ALS2: variants seen among roughly 807,000 people sequenced by gnomAD.
ALS2 encodes alsin Rho guanine nucleotide exchange factor ALS2.
A neutral mutation model predicts 203.4 loss-of-function variants in ALS2; 117 were observed. That is an observed-to-expected ratio of 0.58 (90% CI 0.50 to 0.67). The LOEUF is 0.67. Ranked by LOEUF, ALS2 falls within the 30% of genes least tolerant of loss-of-function variation. ALS2 has a pLI of 0.00. For synonymous variants in ALS2, 718 were observed against 725.9 expected (o/e 0.99, Z 0.17); for missense variants, 1,715 against 1,989.4 (o/e 0.86, Z 2.62).
chr2:201,726,411 T>G (rs1398897626), intron 19 of ALS2, 73 bp downstream of exon 19: 22 of 1,300,836 alleles, frequency 1.7e-5, no homozygotes, highest in Non-Finnish European at 2.5e-5. Context: ...AAAGCAGCTC[T>G]GCATACAAAA....
chr2:201,747,520 G>A (rs1314576804), intron 8 of ALS2, among the ~76,000 whole-genome samples: 1 of 149,138 alleles, frequency 6.7e-6, no homozygotes, highest in Non-Finnish European at 1.5e-5. Context: ...GCGCAATCTC[G>A]GCTCACTGCA....
chr2:201,775,844 T>C (rs186521729), intron 1 of ALS2, among the ~76,000 whole-genome samples: 48 of 152,362 alleles, frequency 3.2e-4, no homozygotes, highest in Admixed American at 1.8e-3. Flanking sequence ...AGTTATAATG[T>C]TGTTACTAAT....
intron 25 of ALS2, among the ~76,000 whole-genome samples, chr2:201,712,082 G>GA (rs35177036): frequency 2.0e-5 from 3 of 150,836 alleles, no homozygotes; most frequent in South Asian, 2.1e-4. Context: ...CCCAAATATA[G>GA]AAAAAAAAAT....
chr2:201,750,636 G>A (rs1670510286), intron 7 of ALS2, among the ~76,000 whole-genome samples: 1 of 152,166 alleles, frequency 6.6e-6, no homozygotes, highest in South Asian at 2.1e-4. Flanking sequence ...TGTTTATTCT[G>A]ATTATGAAAG....
intron 31 of ALS2, 49 bp downstream of exon 31, chr2:201,705,090 A>G: frequency 6.5e-7 from 1 of 1,539,846 alleles, no homozygotes; most frequent in East Asian, 2.3e-5. Context: ...ATCTTAATAG[A>G]CCAAGCACTA....
At chr2:201,779,271 A>G (rs1301037134) in intron 1 of ALS2, among the ~76,000 whole-genome samples, 6 of 152,306 alleles carry the variant, frequency 3.9e-5, no homozygotes, top group African/African-American at 9.6e-5. Flanking sequence ...TTTTCCCAAA[A>G]TTATCGGTTT....
Position 201,763,303 on chromosome 2 carries a change from C to A in ALS2, c.176-1485G>T, listed in dbSNP as rs375268846. On this transcript the variant is annotated intron_variant, in intron 3 of 33. Coordinates refer to ENST00000264276, the MANE Select transcript of ALS2 (RefSeq NM_020919.4). ...TCATCCCTGCACCCAGAGGCACTGG[C>A]ATTCTCTTAGCCCTAGTGCCCAAGA... 148 of 182,814 alleles carry A rather than the reference C, an allele frequency of 8.1e-4. 1 individual carries two copies. The highest frequency in any genetic ancestry group is 3.4e-3 in the African/African-American group (144 of 42,140). 11.3% of individuals were successfully genotyped at this position (182,814 alleles called of 1,614,324 possible). A position where few individuals can be genotyped will look rare whatever the true frequency, so the allele number is the denominator to read the frequency against.
intron 1 of ALS2, among the ~76,000 whole-genome samples, chr2:201,770,298 C>T (rs904361660): frequency 6.6e-5 from 10 of 152,002 alleles, no homozygotes; most frequent in Admixed American, 2.6e-4. Context: ...TATATGTAAA[C>T]GGAATTTTGT....
chr2:201,720,074 G>A, intron 23 of ALS2: 1 of 391,370 alleles, frequency 2.6e-6, no homozygotes. Context: ...CAAACTTTCA[G>A]AAAATAGGGG....
At chr2:201,709,186 C>T (rs905323253) in intron 27 of ALS2, among the ~76,000 whole-genome samples, 2 of 152,224 alleles carry the variant, frequency 1.3e-5, no homozygotes, top group Non-Finnish European at 2.9e-5. Context: ...ATTTAATTGC[C>T]TTCTTCGAGT....
chr2:201,770,905 CT>C (rs1427003273), intron 1 of ALS2, among the ~76,000 whole-genome samples: 2 of 152,192 alleles, frequency 1.3e-5, no homozygotes, highest in Admixed American at 6.5e-5. Flanking sequence ...CTGTGACAGA[CT>C]TTCAGCCCAC....
At chr2:201,729,377 A>G (rs1479353938) in intron 13 of ALS2, among the ~76,000 whole-genome samples, 194 bp from the exon 14 acceptor site, 2 of 152,158 alleles carry the variant, frequency 1.3e-5, no homozygotes, top group Non-Finnish European at 2.9e-5. Flanking sequence ...ATAAAAGTAC[A>G]TATGAAATAG....
chr2:201,733,103 AT>A (rs1691676107), intron 13 of ALS2, among the ~76,000 whole-genome samples, 172 bp downstream of exon 13: 3 of 152,224 alleles, frequency 2.0e-5, no homozygotes, highest in Non-Finnish European at 4.4e-5. Flanking sequence ...AGAAAACTCA[AT>A]TTATCTACAG....
At position 201,744,177 on chromosome 2, in the gene ALS2, A is replaced by T. The variant is rs996540561; in HGVS notation, c.2170+81T>A. Reference sequence around the variant, plus strand: ...AGCAAGAAGTAAACCATAAACTAACAGGTTTTCATTATTTGTGACATAGGA... The same window carrying T: ...AGCAAGAAGTAAACCATAAACTAACTGGTTTTCATTATTTGTGACATAGGA... On this transcript the variant is annotated intron_variant, in intron 10 of 33. Coordinates refer to ENST00000264276, the MANE Select transcript of ALS2 (RefSeq NM_020919.4). 3 of 1,442,232 alleles carry T rather than the reference A, an allele frequency of 2.1e-6. No individual in the cohort carries two copies. The Admixed American group carries it at 5.1e-5, about 24-fold the overall frequency. 89.3% of individuals were successfully genotyped at this position (1,442,232 alleles called of 1,614,324 possible). A position where few individuals can be genotyped will look rare whatever the true frequency, so the allele number is the denominator to read the frequency against.
intron 3 of ALS2, chr2:201,763,124 T>C: frequency 4.8e-6 from 1 of 210,084 alleles, no homozygotes; most frequent in African/African-American, 2.4e-5. Flanking sequence ...GGCCACTTGC[T>C]CCAAGGAGGT....
intron 20 of ALS2, 74 bp from the exon 21 acceptor site, chr2:201,724,533 A>C (rs1273187132): frequency 5.5e-6 from 8 of 1,459,234 alleles, no homozygotes; most frequent in Admixed American, 1.7e-5. Flanking sequence ...AGTTTAGAAA[A>C]TCCAAAACCA....
intron 3 of ALS2, among the ~76,000 whole-genome samples, chr2:201,765,180 T>C (rs1311246616): frequency 1.3e-5 from 2 of 152,128 alleles, no homozygotes; most frequent in African/African-American, 2.4e-5. Context: ...AAAATATTTC[T>C]TGTAGAAACA....
At chr2:201,715,925 A>C in intron 24 of ALS2, 86 bp from the exon 25 acceptor site, 2 of 1,507,534 alleles carry the variant, frequency 1.3e-6, no homozygotes, top group East Asian at 2.3e-5. Context: ...CATACAACTG[A>C]GAATGCTTTT....
intron 29 of ALS2, 44 bp from the exon 30 acceptor site, chr2:201,705,505 G>A: frequency 2.0e-6 from 3 of 1,515,226 alleles, no homozygotes; most frequent in Non-Finnish European, 2.7e-6. Flanking sequence ...TGTTACTTAT[G>A]GTAAACAAAA....
Sources: gnomAD v4.1 joint callset for allele counts (sites outside exome capture counted in the v4.1 genomes callset) on GRCh38, gnomAD v4.1.1 for gene constraint, MANE v1.5 for transcripts, NCBI Gene and HGNC (gene_info 2026-07-23, HGNC 2026-07-21) for gene names.